Variants in CELF2 observed in about 807,000 individuals in gnomAD.
The protein encoded by CELF2 is CUGBP Elav-like family member 2, also known as CUG triplet repeat RNA-binding protein 2.
CELF2 carries 8 observed loss-of-function variants against 62.6 expected under a neutral mutation model. The ratio of observed to expected loss-of-function variants is 0.13; its 90% CI spans 0.07 to 0.23. The LOEUF (loss-of-function observed/expected upper bound fraction) is 0.23. Among genes scored for constraint, CELF2 ranks in the 10% least tolerant of loss-of-function variants. The pLI, the probability that CELF2 is intolerant of heterozygous loss-of-function variation, is 1.00. For synonymous variants in CELF2, 258 were observed against 250.0 expected, an observed-to-expected ratio of 1.03 and a Z score of -0.30; for missense variants, 333 against 671.0, an observed-to-expected ratio of 0.50 and a Z score of 5.56.
At chr10:10,696,263 T>C in the CELF2 span, among the ~76,000 whole-genome samples, 1 of 151,908 alleles carries the variant, frequency 6.6e-6, no homozygotes, top group African/African-American at 2.4e-5. Context: ...TACCCTGCCG[T>C]GTGAGGTGTC....
the CELF2 span, among the ~76,000 whole-genome samples, chr10:10,567,026 G>A: frequency 2.6e-4 from 39 of 152,084 alleles, no homozygotes; most frequent in Non-Finnish European, 4.7e-4. Context: ...CACATCTGCC[G>A]CGAAGATAAA....
chr10:10,558,904 G>A, the CELF2 span, among the ~76,000 whole-genome samples: 6 of 152,032 alleles, frequency 3.9e-5, no homozygotes, highest in African/African-American at 1.2e-4. Context: ...CAGCTAGTCC[G>A]AACAGACTGT....
At chr10:11,119,604 CTA>C (rs1342739560) in intron 1 of CELF2, among the ~76,000 whole-genome samples, 1 of 152,126 alleles carries the variant, frequency 6.6e-6, no homozygotes, top group African/African-American at 2.4e-5. Context: ...AACAAATTAA[CTA>C]TTTTTAATAT....
intron 1 of CELF2, among the ~76,000 whole-genome samples, chr10:11,094,542 C>A (rs1018969705): frequency 2.0e-5 from 3 of 152,150 alleles, no homozygotes; most frequent in Non-Finnish European, 2.9e-5. Flanking sequence ...GACAATAAGG[C>A]TTCCATAGCA....
At chr10:11,048,888 G>A (rs1462442382) in intron 1 of CELF2, among the ~76,000 whole-genome samples, 1 of 152,172 alleles carries the variant, frequency 6.6e-6, no homozygotes, top group Non-Finnish European at 1.5e-5. Context: ...TAATTTAAAT[G>A]AGTGACAGGG....
chr10:10,984,429 G>T (rs760582750), intron 2 of CELF2, among the ~76,000 whole-genome samples: 12 of 152,198 alleles, frequency 7.9e-5, no homozygotes, highest in Non-Finnish European at 1.3e-4. Context: ...ATGGATAATT[G>T]TACAGCCTCT....
the CELF2 span, among the ~76,000 whole-genome samples, chr10:10,741,308 C>T: frequency 3.9e-5 from 6 of 151,912 alleles, no homozygotes; most frequent in East Asian, 7.8e-4. Flanking sequence ...GTCAACAGAT[C>T]GAGACCATCC....
intron 2 of CELF2, among the ~76,000 whole-genome samples, chr10:10,941,831 T>C (rs2047080455): frequency 6.6e-6 from 1 of 151,940 alleles, no homozygotes; most frequent in Non-Finnish European, 1.5e-5. Flanking sequence ...CCTTTTCTAT[T>C]AAAAATACAA....
the CELF2 span, among the ~76,000 whole-genome samples, chr10:10,670,021 G>A: frequency 6.7e-6 from 1 of 150,112 alleles, no homozygotes; most frequent in African/African-American, 2.4e-5. Context: ...TCCTGCCTCA[G>A]CCTCCCAAGT....
the CELF2 span, among the ~76,000 whole-genome samples, chr10:10,474,988 T>A: frequency 6.6e-6 from 1 of 152,116 alleles, no homozygotes; most frequent in Non-Finnish European, 1.5e-5. Flanking sequence ...AATAGGATAA[T>A]GCTTTCTTTG....
At chr10:10,780,087 G>A in the CELF2 span, among the ~76,000 whole-genome samples, 2 of 152,184 alleles carry the variant, frequency 1.3e-5, no homozygotes, top group South Asian at 2.1e-4. Context: ...ACAGTAGAAT[G>A]TTTTGTGTTT....
chr10:11,005,181 T>C (rs1422996257), upstream of CELF2: 2 of 1,433,866 alleles, frequency 1.4e-6, no homozygotes, highest in Non-Finnish European at 1.8e-6. This position sits in a 1 kb window ranked among gnomAD's most constrained non-coding sequence, Gnocchi z 4.3. Flanking sequence ...TTCTACTTAG[T>C]GAATCTGCAG....
intron 2 of CELF2, among the ~76,000 whole-genome samples, chr10:10,940,208 A>G (rs1030242173): frequency 2.6e-5 from 4 of 152,072 alleles, no homozygotes; most frequent in African/African-American, 9.7e-5. Flanking sequence ...ACTTGGGGGA[A>G]TTATACTTTT....
At chr10:11,068,895 C>T (rs1037788605) in intron 1 of CELF2, among the ~76,000 whole-genome samples, 7 of 152,244 alleles carry the variant, frequency 4.6e-5, no homozygotes, top group African/African-American at 1.7e-4. Flanking sequence ...ACAACTCATT[C>T]TGTCTTAGCA....
intron 2 of CELF2, among the ~76,000 whole-genome samples, chr10:10,986,983 A>G (rs962758261): frequency 2.0e-5 from 3 of 152,184 alleles, no homozygotes; most frequent in Non-Finnish European, 2.9e-5. Flanking sequence ...AAGTGTATAA[A>G]CTGTTTATTT....
At chr10:10,558,045 G>A in the CELF2 span, among the ~76,000 whole-genome samples, 493 of 146,206 alleles carry the variant, frequency 3.4e-3, 4 homozygotes, top group African/African-American at 0.012. Flanking sequence ...CTGCCTAATT[G>A]CCCTGGCCAG....
intron 2 of CELF2, among the ~76,000 whole-genome samples, chr10:11,181,237 T>C (rs59616434): frequency 0.014 from 2,165 of 152,282 alleles, 50 homozygotes; most frequent in African/African-American, 0.049. Context: ...ACATTGTCCT[T>C]GTTCGGTTCC....
the CELF2 span, among the ~76,000 whole-genome samples, chr10:10,754,793 A>G: frequency 6.6e-6 from 1 of 152,220 alleles, no homozygotes; most frequent in Admixed American, 6.5e-5. Context: ...GCCCAGAACA[A>G]GTCTCCATGC....
At chr10:10,590,161 G>GCACACA in the CELF2 span, among the ~76,000 whole-genome samples, 187 of 150,136 alleles carry the variant, frequency 1.2e-3, 1 homozygote, top group African/African-American at 4.2e-3. Flanking sequence ...ACATGTGCAT[G>GCACACA]CACACACACA....
Sources: allele counts gnomAD v4.1 joint callset (sites outside exome capture counted in the v4.1 genomes callset), GRCh38; gene constraint gnomAD v4.1.1; non-coding constraint Gnocchi (gnomAD v3.1); transcripts MANE v1.5; gene names NCBI Gene and HGNC (gene_info 2026-07-23, HGNC 2026-07-21).